MACROD2: variants seen among roughly 807,000 people sequenced by gnomAD.
The protein encoded by MACROD2 is ADP-ribose glycohydrolase MACROD2.
Under a neutral mutation model 70.4 loss-of-function variants are expected in MACROD2, and 36 were observed. The observed-to-expected ratio is 0.51, with a 90% CI of 0.39 to 0.68. The LOEUF (loss-of-function observed/expected upper bound fraction) is 0.68, where lower values mean the gene tolerates loss of function less well. MACROD2 is among the 30% of genes least tolerant of loss of function. The probability of loss-of-function intolerance (pLI) is 0.00; values close to 1 mark genes in which losing one functional copy is unlikely to be tolerated. For missense variants in MACROD2, 496 were observed against 538.4 expected, an observed-to-expected ratio of 0.92 and a Z score of 0.78; for synonymous variants, 172 against 178.8, an observed-to-expected ratio of 0.96 and a Z score of 0.30.
At chr20:14,328,717 A>G (rs981617656) in intron 3 of MACROD2, among the ~76,000 whole-genome samples, 3 of 152,042 alleles carry the variant, frequency 2.0e-5, no homozygotes, top group African/African-American at 4.8e-5. Flanking sequence ...AAGTAATCCT[A>G]TGGCGTACAC....
intron 3 of MACROD2, among the ~76,000 whole-genome samples, chr20:14,391,998 T>G (rs554171208): frequency 6.6e-6 from 1 of 151,932 alleles, no homozygotes; most frequent in East Asian, 1.9e-4. Context: ...TTAAAAAAAT[T>G]AAGTTTTCTG....
intron 5 of MACROD2, among the ~76,000 whole-genome samples, chr20:14,800,197 A>G (rs1419083626): frequency 1.3e-5 from 2 of 151,976 alleles, no homozygotes; most frequent in Non-Finnish European, 2.9e-5. Flanking sequence ...ATCTTGCACA[A>G]GAAGGCGAGA....
intron 5 of MACROD2, among the ~76,000 whole-genome samples, chr20:14,809,348 G>A (rs571756545): frequency 2.8e-4 from 43 of 152,144 alleles, no homozygotes; most frequent in Admixed American, 3.3e-4. Context: ...GGTAAATAAC[G>A]AAATTAAGGC....
chr20:14,583,412 G>C (rs559671592), intron 4 of MACROD2, among the ~76,000 whole-genome samples: 1 of 152,238 alleles, frequency 6.6e-6, no homozygotes, highest in African/African-American at 2.4e-5. Context: ...TTCTCAGCAG[G>C]TCCCAATGGA....
intron 4 of MACROD2, among the ~76,000 whole-genome samples, chr20:14,654,894 A>G (rs1985887554): frequency 6.6e-6 from 1 of 152,218 alleles, no homozygotes; most frequent in African/African-American, 2.4e-5. Flanking sequence ...TGTCTCAGAA[A>G]AAAGCAACAG....
chr20:15,064,845 A>G (rs1442505982), intron 5 of MACROD2, among the ~76,000 whole-genome samples: 2 of 152,178 alleles, frequency 1.3e-5, no homozygotes, highest in Non-Finnish European at 2.9e-5. Context: ...TATTCAAGAG[A>G]GTGGTCGTGG....
chr20:14,484,959 G>T (rs558314465), intron 3 of MACROD2, among the ~76,000 whole-genome samples: 2 of 152,036 alleles, frequency 1.3e-5, no homozygotes, highest in South Asian at 4.2e-4. Flanking sequence ...ATACCTAGGG[G>T]TGTGATTGCT....
In MACROD2 at chr20:14,461,530, A is replaced by G. The variant is rs980841007; in HGVS notation, c.272-31949A>G. Among the ~76,000 whole-genome samples the G allele has an allele frequency of 2.4e-4, 37 of 151,214 alleles. 1 individual carries two copies. Among genetic ancestry groups the G allele is most frequent in the Admixed American group, 4.0e-4 (6 of 15,156 alleles). Reference sequence around the variant, plus strand: ...TTTTTTTTATTATACTTTAAGTTTTAGGATACATGTCCACAACGTGAAGGT... The same window carrying G: ...TTTTTTTTATTATACTTTAAGTTTTGGGATACATGTCCACAACGTGAAGGT... On this transcript the variant is annotated intron_variant, in intron 3 of 17. Coordinates refer to ENST00000684519, the MANE Select transcript of MACROD2 (RefSeq NM_001351661.2).
chr20:14,103,442 CTT>C (rs1360824742), intron 3 of MACROD2, among the ~76,000 whole-genome samples: 2 of 152,074 alleles, frequency 1.3e-5, no homozygotes, highest in Non-Finnish European at 2.9e-5. Context: ...CTTAGGGAAA[CTT>C]ATATTTTGTT....
chr20:16,032,748 AGGG>A (rs2067169617), intron 15 of MACROD2, among the ~76,000 whole-genome samples: 1 of 122,128 alleles, frequency 8.2e-6, no homozygotes, highest in Non-Finnish European at 1.7e-5. Context: ...AAGGGAAGAA[AGGG>A]AGGAGGGAAG....
chr20:14,681,367 C>G (rs758635132), intron 4 of MACROD2, among the ~76,000 whole-genome samples: 3 of 152,084 alleles, frequency 2.0e-5, no homozygotes, highest in African/African-American at 2.4e-5. Context: ...TGTCTATTCA[C>G]AGATGAATGG....
chr20:15,295,893 C>T (rs1202762805), intron 6 of MACROD2, among the ~76,000 whole-genome samples: 1 of 152,118 alleles, frequency 6.6e-6, no homozygotes, highest in Non-Finnish European at 1.5e-5. Flanking sequence ...TATCACGAGA[C>T]CCTCGGCTAA....
chr20:16,008,082 TTTA>T (rs1261071279), intron 15 of MACROD2, among the ~76,000 whole-genome samples: 2 of 152,156 alleles, frequency 1.3e-5, no homozygotes, highest in Non-Finnish European at 2.9e-5. Flanking sequence ...AGATTGAGTG[TTTA>T]TAAATGAACT....
intron 7 of MACROD2, among the ~76,000 whole-genome samples, chr20:15,490,233 C>CTCCCTTCCCT (rs199942986): frequency 0.017 from 1,892 of 114,276 alleles, 41 homozygotes; most frequent in Admixed American, 0.041. Flanking sequence ...CCCTTCCTTC[C>CTCCCTTCCCT]TCCCTTCCCT....
intron 5 of MACROD2, among the ~76,000 whole-genome samples, chr20:14,850,762 TAGTC>T (rs1437815193): frequency 6.6e-6 from 1 of 152,188 alleles, no homozygotes; most frequent in Non-Finnish European, 1.5e-5. Context: ...GATGTCTTAT[TAGTC>T]AGAATGGAAG....
intron 8 of MACROD2, among the ~76,000 whole-genome samples, chr20:15,726,737 G>A (rs1057494268): frequency 6.6e-6 from 1 of 151,938 alleles, no homozygotes; most frequent in African/African-American, 2.4e-5. Context: ...TCTTTTAAAA[G>A]CATCTATTCA....
intron 6 of MACROD2, among the ~76,000 whole-genome samples, chr20:15,381,093 CTA>C (rs1167348774): frequency 2.6e-5 from 4 of 152,150 alleles, no homozygotes. Context: ...AATTAATTAA[CTA>C]TGTGGAATTT....
At chr20:14,677,535 C>A (rs572598834) in intron 4 of MACROD2, among the ~76,000 whole-genome samples, 1 of 152,292 alleles carries the variant, frequency 6.6e-6, no homozygotes, top group African/African-American at 2.4e-5. Flanking sequence ...TGCCTGCAAG[C>A]ATTTTGGCCT....
At chr20:15,009,908 A>T (rs2075069189) in intron 5 of MACROD2, among the ~76,000 whole-genome samples, 1 of 151,728 alleles carries the variant, frequency 6.6e-6, no homozygotes, top group South Asian at 2.1e-4. Flanking sequence ...TCTTTCCCAG[A>T]TATATAAAGT....
Sources: gnomAD v4.1 joint callset for allele counts (sites outside exome capture counted in the v4.1 genomes callset) on GRCh38, gnomAD v4.1.1 for gene constraint, MANE v1.5 for transcripts, NCBI Gene and HGNC (gene_info 2026-07-23, HGNC 2026-07-21) for gene names.